The following PLPP4 variants were observed in gnomAD, a reference collection of about 807,000 sequenced individuals.
The protein encoded by PLPP4 is diacylglycerol pyrophosphate like 2.
A neutral mutation model predicts 32.2 loss-of-function variants in PLPP4; 20 were observed. The ratio of observed to expected loss-of-function variants is 0.62; its 90% CI spans 0.44 to 0.90. PLPP4 has a LOEUF of 0.90. Among genes scored for constraint, PLPP4 ranks in the 40% least tolerant of loss-of-function variants. PLPP4 has a pLI of 0.00. For synonymous variants in PLPP4, 127 were observed against 133.0 expected, an observed-to-expected ratio of 0.95 and a Z score of 0.31; for missense variants, 257 against 353.1, an observed-to-expected ratio of 0.73 and a Z score of 2.18.
chr10:120,485,248 C>T (rs1163120177), intron 1 of PLPP4, among the ~76,000 whole-genome samples: 4 of 152,234 alleles, frequency 2.6e-5, no homozygotes, highest in Non-Finnish European at 5.9e-5. Flanking sequence ...CCCTAGAGCT[C>T]CCTGAAGGCA....
At chr10:120,527,121 TATCA>T (rs2133924270) in intron 5 of PLPP4, among the ~76,000 whole-genome samples, 2 of 139,446 alleles carry the variant, frequency 1.4e-5, no homozygotes, top group South Asian at 2.4e-4. Flanking sequence ...TCTACCTATC[TATCA>T]ATCAATCATC....
rs1315667565 is a variant in PLPP4, at chr10:120,521,237, A to G, written c.445+142A>G. ...TTCTTCACTTTACGGCGTTTGACTT[A>G]GAAACAAGATTATTCAACAGGAAGT... On this transcript the variant is annotated intron_variant, in intron 5 of 6. Coordinates refer to ENST00000398250, the MANE Select transcript of PLPP4 (RefSeq NM_001030059.3). 3.9e-6 allele frequency: 4 copies of G among 1,033,398 alleles called. No individual in the cohort carries two copies. The Admixed American group carries it at 8.5e-5, about 22-fold the overall frequency. The allele number at this position is 1,033,398 out of a possible 1,614,324, so 64.0% of individuals were successfully genotyped here.
At chr10:120,546,813 C>G (rs1847649607) in intron 5 of PLPP4, among the ~76,000 whole-genome samples, 1 of 152,238 alleles carries the variant, frequency 6.6e-6, no homozygotes, top group South Asian at 2.1e-4. Flanking sequence ...TCCATATCAT[C>G]TATCTTGTCT....
intron 5 of PLPP4, among the ~76,000 whole-genome samples, chr10:120,562,128 TTC>T (rs1296666500): frequency 6.6e-5 from 10 of 152,348 alleles, no homozygotes; most frequent in African/African-American, 1.9e-4. Flanking sequence ...GGTTTTATCC[TTC>T]TCTCTTTAAA....
At chr10:120,509,220 T>C (rs374590313) in intron 2 of PLPP4, among the ~76,000 whole-genome samples, 12 of 152,246 alleles carry the variant, frequency 7.9e-5, no homozygotes, top group African/African-American at 2.2e-4. Flanking sequence ...ATCCTGCCAA[T>C]AATACTTGCC....
intron 1 of PLPP4, among the ~76,000 whole-genome samples, chr10:120,491,777 T>C (rs1844734956): frequency 6.6e-6 from 1 of 152,168 alleles, no homozygotes; most frequent in South Asian, 2.1e-4. Context: ...TGGCATCATG[T>C]CTGTATATAC....
intron 5 of PLPP4, among the ~76,000 whole-genome samples, chr10:120,527,886 G>A (rs890924564): frequency 6.6e-6 from 1 of 151,992 alleles, no homozygotes; most frequent in African/African-American, 2.4e-5. Flanking sequence ...CATCGAGCAT[G>A]AATATTCATT....
At chr10:120,507,329 C>T (rs1845533305) in intron 2 of PLPP4, among the ~76,000 whole-genome samples, 1 of 151,182 alleles carries the variant, frequency 6.6e-6, no homozygotes. Flanking sequence ...CTCAGGTAAA[C>T]TTCTAGGGAA....
chr10:120,539,558 C>T (rs1486316000), intron 5 of PLPP4, among the ~76,000 whole-genome samples: 1 of 152,142 alleles, frequency 6.6e-6, no homozygotes, highest in Non-Finnish European at 1.5e-5. Flanking sequence ...TGAGGTGGAC[C>T]TGGAGAACTG....
At chr10:120,484,514 A>C (rs965847022) in intron 1 of PLPP4, among the ~76,000 whole-genome samples, 2 of 152,140 alleles carry the variant, frequency 1.3e-5, no homozygotes, top group Non-Finnish European at 2.9e-5. Flanking sequence ...AAGGGGGGTG[A>C]ATTTGTGCTT....
intron 5 of PLPP4, among the ~76,000 whole-genome samples, chr10:120,544,367 G>A (rs1847511571): frequency 6.6e-6 from 1 of 152,200 alleles, no homozygotes; most frequent in African/African-American, 2.4e-5. Context: ...TAGAGTCAAA[G>A]TAAAATGAAG....
intron 5 of PLPP4, among the ~76,000 whole-genome samples, chr10:120,538,748 T>C (rs755799453): frequency 1.3e-5 from 2 of 152,228 alleles, no homozygotes; most frequent in Non-Finnish European, 2.9e-5. Context: ...ATTTATTAAG[T>C]GTGTGAAATG....
chr10:120,509,742 A>G (rs1845650668), intron 2 of PLPP4, among the ~76,000 whole-genome samples: 1 of 152,204 alleles, frequency 6.6e-6, no homozygotes, highest in African/African-American at 2.4e-5. Flanking sequence ...GAATAGTTAG[A>G]AGATTGGAAA....
chr10:120,466,996 C>T (rs1848353993), intron 1 of PLPP4, among the ~76,000 whole-genome samples: 1 of 151,202 alleles, frequency 6.6e-6, no homozygotes, highest in African/African-American at 2.4e-5. Context: ...AAGAGCTGAG[C>T]CTTCAACTAG....
intron 1 of PLPP4, among the ~76,000 whole-genome samples, chr10:120,490,791 C>T (rs1461987169): frequency 6.6e-6 from 1 of 152,222 alleles, no homozygotes; most frequent in Non-Finnish European, 1.5e-5. Flanking sequence ...CTGCTGCTCA[C>T]TGGAGCCAGG....
At chr10:120,557,189 A>G (rs1848201105) in intron 5 of PLPP4, among the ~76,000 whole-genome samples, 1 of 152,176 alleles carries the variant, frequency 6.6e-6, no homozygotes. Context: ...ATAGGAATGA[A>G]ATCTGACTTT....
chr10:120,580,974 T>C, intron 6 of PLPP4: 1 of 1,289,310 alleles, frequency 7.8e-7, no homozygotes, highest in Non-Finnish European at 1.0e-6. Context: ...TGGGAACCTC[T>C]GAACCTTGAC....
chr10:120,461,979 C>G (rs1334623222), intron 1 of PLPP4, among the ~76,000 whole-genome samples: 1 of 152,166 alleles, frequency 6.6e-6, no homozygotes, highest in African/African-American at 2.4e-5. Context: ...TCGACAAAAA[C>G]AGACTCATCT....
At chr10:120,535,116 C>A (rs1235150471) in intron 5 of PLPP4, among the ~76,000 whole-genome samples, 2 of 152,112 alleles carry the variant, frequency 1.3e-5, no homozygotes, top group African/African-American at 2.4e-5. Flanking sequence ...TTGTCATTTG[C>A]AATGAATGGC....
Sources: gnomAD v4.1 joint callset for allele counts (sites outside exome capture counted in the v4.1 genomes callset) on GRCh38, gnomAD v4.1.1 for gene constraint, MANE v1.5 for transcripts, NCBI Gene and HGNC (gene_info 2026-07-23, HGNC 2026-07-21) for gene names.